Variants in OR2W3 observed in about 807,000 individuals in gnomAD.
The protein encoded by OR2W3 is olfactory receptor family 2 subfamily W member 3, also known as olfactory receptor 2W3.
For synonymous variants in OR2W3, 196 were observed against 168.2 expected (o/e 1.17, Z -1.28); for missense variants, 448 against 397.0 (o/e 1.13, Z -1.09).
Position 247,895,704 on chromosome 1 carries a change from G to C in OR2W3, c.118G>C (p.Val40Leu). 2 of 1,613,800 alleles carry C rather than the reference G, an allele frequency of 1.2e-6. No homozygotes were observed. The highest frequency in any genetic ancestry group is 1.7e-6 in the Non-Finnish European group (2 of 1,179,852). ...CCTGATCGCGTACCTCCTGACCCTC[G>C]TAGGCAACACCACCATCATCCTGGT... Reference protein sequence around the residue: ...VILIAYLLTLVGNTTIILVSR... With the variant: ...VILIAYLLTLLGNTTIILVSR... The change falls in exon 1 of 1, where the codon GTA (valine) becomes CTA (leucine). Residue 40 changes from valine (V) to leucine (L), a missense_variant. Physicochemically the swap from Val to Leu is conservative, Grantham distance 32 (BLOSUM62 1). Coordinates refer to ENST00000360358, the MANE Select transcript of OR2W3 (RefSeq NM_001001957.2).
chr1:247,896,052 T>C lies in OR2W3; in HGVS notation c.466T>C (p.Ser156Pro). 1 of 1,474,256 alleles carries C rather than the reference T, an allele frequency of 6.8e-7. No individual in the cohort carries two copies. The highest frequency in any genetic ancestry group is 9.4e-7 in the Non-Finnish European group (1 of 1,063,354). 91.3% of individuals were successfully genotyped at this position (1,474,256 alleles called of 1,614,324 possible). ...GACCTGGGGCTGTGGGGTGGCCAAC[T>C]CCTTGGCCATGTCTCCTGTGACCCT... ...SVTWGCGVANSLAMSPVTLRL... is the reference protein window; with the variant it reads ...SVTWGCGVANPLAMSPVTLRL... Residue 156 changes from serine to proline, a missense_variant, in exon 1 of 1, where the codon TCC (serine) becomes CCC (proline). Coordinates refer to ENST00000360358, the MANE Select transcript of OR2W3 (RefSeq NM_001001957.2).
Position 247,895,793 on chromosome 1 carries a change from G to A in OR2W3, c.207G>A (p.Leu69=), listed in dbSNP as rs1255724156. 1.2e-6 allele frequency: 2 copies of A among 1,613,858 alleles called. No individual in the cohort carries two copies. Among genetic ancestry groups the A allele is most frequent in the Non-Finnish European group, 8.5e-7 (1 of 1,179,944 alleles). ...TCTTCCTCGCCCACCTTTCCTTCCT[G>A]GACCTCAGTTTCACCACCAGCTCCA... The part of the protein sequence containing the change: ...MYFFLAHLSF[L]DLSFTTSSIP... The change falls in exon 1 of 1, where the codon CTG becomes CTA. Residue 69 remains leucine (L), a synonymous_variant. Coordinates refer to ENST00000360358, the MANE Select transcript of OR2W3 (RefSeq NM_001001957.2).
chr1:247,895,721 C>G lies in OR2W3; in HGVS notation c.135C>G (p.Ile45Met), dbSNP rs746971796. The part of the protein sequence containing the change: ...YLLTLVGNTT[I>M]ILVSRLDPHL... Reference sequence around the variant, plus strand: ...TGACCCTCGTAGGCAACACCACCATCATCCTGGTGTCCCGGCTGGACCCCC... The same window carrying G: ...TGACCCTCGTAGGCAACACCACCATGATCCTGGTGTCCCGGCTGGACCCCC... Residue 45 changes from isoleucine (I) to methionine (M), a missense_variant, in exon 1 of 1, where the codon ATC becomes ATG. Physicochemically the swap from Ile to Met is conservative, Grantham distance 10. Coordinates refer to ENST00000360358, the MANE Select transcript of OR2W3 (RefSeq NM_001001957.2). 3 of 1,613,840 alleles carry G rather than the reference C, an allele frequency of 1.9e-6. No homozygotes were observed. The highest frequency in any genetic ancestry group is 2.5e-6 in the Non-Finnish European group (3 of 1,179,750).
rs1350998945 is a variant in OR2W3, at chr1:247,896,241, A to G, written c.655A>G (p.Ser219Gly). 1 of 1,614,148 alleles carries G rather than the reference A, an allele frequency of 6.2e-7. No individual in the cohort carries two copies. The highest frequency in any genetic ancestry group is 2.2e-5 in the East Asian group (1 of 44,876). ...SPLVFILLSYSYIVRAVLQIR... is the reference protein window; with the variant it reads ...SPLVFILLSYGYIVRAVLQIR... ...CTTGGTGTTTATCCTGCTCTCTTAC[A>G]GCTACATTGTGAGGGCTGTGTTACA... The change falls in exon 1 of 1, where the codon AGC (serine) becomes GGC (glycine). Residue 219 changes from serine (S) to glycine (G), a missense_variant. Ser to Gly is a moderately conservative substitution (Grantham distance 56). Coordinates refer to ENST00000360358, the MANE Select transcript of OR2W3 (RefSeq NM_001001957.2).
In OR2W3 at chr1:247,895,598, C is replaced by A. The variant is rs752887789; in HGVS notation, c.12C>A (p.Thr4=). The A allele has an allele frequency of 2.5e-6, 4 of 1,606,272 alleles. No homozygotes were observed. In the East Asian group the frequency reaches 6.7e-5, roughly 27 times the overall value. Reference sequence around the variant, plus strand: ...CAGCAGCAGTAGAGATGGATGGAACCAATGGCAGCACCCAAACCCATTTCA... The same window carrying A: ...CAGCAGCAGTAGAGATGGATGGAACAAATGGCAGCACCCAAACCCATTTCA... MDG[T]NGSTQTHFIL... Residue 4 remains threonine (T), a synonymous_variant, in exon 1 of 1, where the codon ACC becomes ACA. Transcript: ENST00000360358.
rs532952972 is a variant in OR2W3, at chr1:247,895,898, C to T, written c.312C>T (p.Phe104=). 6 of 1,614,150 alleles carry T rather than the reference C, an allele frequency of 3.7e-6. No individual in the cohort carries two copies. The highest frequency in any genetic ancestry group is 2.2e-5 in the East Asian group (1 of 44,868). The change falls in exon 1 of 1, where the codon TTC becomes TTT. Residue 104 remains phenylalanine (F), a synonymous_variant. Transcript: ENST00000360358. ...YMGCAIQLFL[F]LGLGGVECLL... is the part of the protein sequence containing the mutation. ...GCTGTGCCATCCAGCTCTTCCTGTT[C>T]CTGGGTCTGGGTGGTGTGGAGTGCC...
Position 247,895,843 on chromosome 1 carries a change from A to AG in OR2W3, c.257_258insG (p.Asn86LysfsTer4). 1 of 1,613,724 alleles carries AG rather than the reference A, an allele frequency of 6.2e-7. No homozygotes were observed. Among genetic ancestry groups the AG allele is most frequent in the Non-Finnish European group, 8.5e-7 (1 of 1,179,866 alleles). On this transcript the variant is annotated frameshift_variant, in exon 1 of 1. Coordinates refer to ENST00000360358, the MANE Select transcript of OR2W3 (RefSeq NM_001001957.2). LOFTEE classifies it low-confidence loss of function (END_TRUNC). ...ATCCCCCAGCTGCTCTACAACCTTAATGGATGTGACAAGACCATCAGCTAC... is the reference window on the plus strand; with the variant it reads ...ATCCCCCAGCTGCTCTACAACCTTAAGTGGATGTGACAAGACCATCAGCTAC...
Position 247,895,931 on chromosome 1 carries a change from G to C in OR2W3, c.345G>C (p.Leu115=), listed in dbSNP as rs1012683870. 1 of 1,613,908 alleles carries C rather than the reference G, an allele frequency of 6.2e-7. No homozygotes were observed. Among genetic ancestry groups the C allele is most frequent in the African/African-American group, 1.3e-5 (1 of 74,910 alleles). Reference sequence around the variant, plus strand: ...TGGGTGGTGTGGAGTGCCTGCTTCTGGCTGTCATGGCCTATGACCGGTGTG... The same window carrying C: ...TGGGTGGTGTGGAGTGCCTGCTTCTCGCTGTCATGGCCTATGACCGGTGTG... The part of the protein sequence containing the change: ...LGLGGVECLL[L]AVMAYDRCVA... Residue 115 remains leucine, a synonymous_variant, in exon 1 of 1, where the codon CTG becomes CTC. Transcript: ENST00000360358.
chr1:247,895,886 G>C lies in OR2W3; in HGVS notation c.300G>C (p.Gln100His). ...TCAGCTACATGGGCTGTGCCATCCA[G>C]CTCTTCCTGTTCCTGGGTCTGGGTG... ...KTISYMGCAI[Q>H]LFLFLGLGGV... is the part of the protein sequence containing the mutation. Residue 100 changes from glutamine (Q) to histidine (H), a missense_variant, in exon 1 of 1, where the codon CAG becomes CAC. Physicochemically the swap from Gln to His is conservative, Grantham distance 24. Transcript: ENST00000360358. 6.2e-7 allele frequency: 1 copy of C among 1,614,140 alleles called. No homozygotes were observed.
rs1659594232 is a variant in OR2W3 at position 247,895,763 on chromosome 1, G to GTACT, written c.179_182dup (p.Phe61LeufsTer27). The GTACT allele has an allele frequency of 6.2e-7, 1 of 1,613,912 alleles. No homozygotes were observed. Among genetic ancestry groups the GTACT allele is most frequent in the Non-Finnish European group, 8.5e-7 (1 of 1,180,006 alleles). On this transcript the variant is annotated frameshift_variant, in exon 1 of 1. Coordinates refer to ENST00000360358, the MANE Select transcript of OR2W3 (RefSeq NM_001001957.2). LOFTEE classifies it low-confidence loss of function (END_TRUNC). ...TGGACCCCCACCTCCACACCCCCAT[G>GTACT]TACTTCTTCCTCGCCCACCTTTCCT... is the stretch of plus-strand genomic sequence containing the variant.
chr1:247,896,212 C>A lies in OR2W3; in HGVS notation c.626C>A (p.Ser209Tyr). 1.2e-6 allele frequency: 2 copies of A among 1,614,198 alleles called. No individual in the cohort carries two copies. Among genetic ancestry groups the A allele is most frequent in the Admixed American group, 1.7e-5 (1 of 60,020 alleles). Reference protein sequence around the residue: ...VFVLAVGVVLSPLVFILLSYS... With the variant: ...VFVLAVGVVLYPLVFILLSYS... ...GTCCTGGCGGTGGGTGTTGTGCTGT[C>A]CCCCTTGGTGTTTATCCTGCTCTCT... Residue 209 changes from serine to tyrosine, a missense_variant, in exon 1 of 1, where the codon TCC becomes TAC. By Grantham distance (144) the Ser-to-Tyr change is moderately radical (BLOSUM62 -2). Coordinates refer to ENST00000360358, the MANE Select transcript of OR2W3 (RefSeq NM_001001957.2).
At position 247,896,462 on chromosome 1, in the gene OR2W3, C is replaced by T. The variant is rs1184371727; in HGVS notation, c.876C>T (p.Leu292=). 1.9e-6 allele frequency: 3 copies of T among 1,611,834 alleles called. No homozygotes were observed. Among genetic ancestry groups the T allele is most frequent in the South Asian group, 1.1e-5 (1 of 90,896 alleles). ...TCCTCAATCCTCTCATCTACACCCT[C>T]AGAAACAGAGAGGTGAAGGGGGCAC... is the stretch of plus-strand genomic sequence containing the variant. The part of the protein sequence containing the change: ...TPLLNPLIYT[L]RNREVKGALG... Residue 292 remains leucine (L), a synonymous_variant, in exon 1 of 1, where the codon CTC becomes CTT. Transcript: ENST00000360358.
rs753788610 is a variant in OR2W3, at chr1:247,896,041, G to C, written c.455G>C (p.Gly152Ala). The C allele has an allele frequency of 1.9e-5, 30 of 1,613,648 alleles. No homozygotes were observed. The East Asian group carries it at 5.1e-4, about 28-fold the overall frequency. Residue 152 changes from glycine to alanine, a missense_variant, in exon 1 of 1, where the codon GGG becomes GCG. Transcript: ENST00000360358. ...RGLVSVTWGCGVANSLAMSPV... is the reference protein window; with the variant it reads ...RGLVSVTWGCAVANSLAMSPV... ...TTGGTGTCAGTGACCTGGGGCTGTG[G>C]GGTGGCCAACTCCTTGGCCATGTCT...
In OR2W3 at chr1:247,895,832, C is replaced by T; in HGVS notation, c.246C>T (p.Leu82=). Residue 82 remains leucine, a synonymous_variant, in exon 1 of 1, where the codon CTC becomes CTT. Transcript: ENST00000360358. ...CCACCAGCTCCATCCCCCAGCTGCT[C>T]TACAACCTTAATGGATGTGACAAGA... is the stretch of plus-strand genomic sequence containing the variant. ...SFTTSSIPQL[L]YNLNGCDKTI... 6.2e-7 allele frequency: 1 copy of T among 1,614,064 alleles called. No individual in the cohort carries two copies. The highest frequency in any genetic ancestry group is 8.5e-7 in the Non-Finnish European group (1 of 1,179,912).
Position 247,896,408 on chromosome 1 carries a change from C to T in OR2W3, c.822C>T (p.Leu274=), listed in dbSNP as rs772180115. 8.1e-6 allele frequency: 13 copies of T among 1,613,794 alleles called. No homozygotes were observed. The South Asian group carries it at 1.1e-4, about 14-fold the overall frequency. The stretch of plus-strand genomic sequence containing the variant: ...CTTCCCAGGACCAGGGCATGTTCCT[C>T]ATGCTCTTCTACAACATTGTCACCC... The part of the protein sequence containing the change: ...ASSSQDQGMF[L]MLFYNIVTPL... Residue 274 remains leucine (L), a synonymous_variant, in exon 1 of 1, where the codon CTC becomes CTT. Transcript: ENST00000360358.
rs1393042799 is a variant in OR2W3, at chr1:247,895,701, C to A, written c.115C>A (p.Leu39Ile). ...CATCCTGATCGCGTACCTCCTGACC[C>A]TCGTAGGCAACACCACCATCATCCT... Reference protein sequence around the residue: ...VVILIAYLLTLVGNTTIILVS... With the variant: ...VVILIAYLLTIVGNTTIILVS... The change falls in exon 1 of 1, where the codon CTC (leucine) becomes ATC (isoleucine). Residue 39 changes from leucine to isoleucine, a missense_variant. Physicochemically the swap from Leu to Ile is conservative, Grantham distance 5 (BLOSUM62 2). Coordinates refer to ENST00000360358, the MANE Select transcript of OR2W3 (RefSeq NM_001001957.2). 4 of 1,613,804 alleles carry A rather than the reference C, an allele frequency of 2.5e-6. No homozygotes were observed. The highest frequency in any genetic ancestry group is 1.7e-5 in the Admixed American group (1 of 59,998).
In OR2W3 at chr1:247,895,778, C is replaced by T. The variant is rs754712314; in HGVS notation, c.192C>T (p.Ala64=). 4 of 1,614,084 alleles carry T rather than the reference C, an allele frequency of 2.5e-6. No individual in the cohort carries two copies. Among genetic ancestry groups the T allele is most frequent in the East Asian group, 2.2e-5 (1 of 44,866 alleles). ...HLHTPMYFFL[A]HLSFLDLSFT... ...ACACCCCCATGTACTTCTTCCTCGCCCACCTTTCCTTCCTGGACCTCAGTT... is the reference window on the plus strand; with the variant it reads ...ACACCCCCATGTACTTCTTCCTCGCTCACCTTTCCTTCCTGGACCTCAGTT... Residue 64 remains alanine (A), a synonymous_variant, in exon 1 of 1, where the codon GCC becomes GCT. Coordinates refer to ENST00000360358, the MANE Select transcript of OR2W3 (RefSeq NM_001001957.2).
In OR2W3 at chr1:247,896,058, G is replaced by A; in HGVS notation, c.472G>A (p.Ala158Thr). 2 of 1,614,124 alleles carry A rather than the reference G, an allele frequency of 1.2e-6. No individual in the cohort carries two copies. The highest frequency in any genetic ancestry group is 1.1e-5 in the South Asian group (1 of 91,082). Residue 158 changes from alanine (A) to threonine (T), a missense_variant, in exon 1 of 1, where the codon GCC (alanine) becomes ACC (threonine). Ala to Thr is a moderately conservative substitution (Grantham distance 58, BLOSUM62 0). Transcript: ENST00000360358. ...TWGCGVANSLAMSPVTLRLPR... is the reference protein window; with the variant it reads ...TWGCGVANSLTMSPVTLRLPR... Reference sequence around the variant, plus strand: ...GGGCTGTGGGGTGGCCAACTCCTTGGCCATGTCTCCTGTGACCCTGCGCTT... The same window carrying A: ...GGGCTGTGGGGTGGCCAACTCCTTGACCATGTCTCCTGTGACCCTGCGCTT...
Position 247,896,180 on chromosome 1 carries a change from C to A in OR2W3, c.594C>A (p.Thr198=). 1 of 1,614,126 alleles carries A rather than the reference C, an allele frequency of 6.2e-7. No homozygotes were observed. Among genetic ancestry groups the A allele is most frequent in the Non-Finnish European group, 8.5e-7 (1 of 1,179,968 alleles). Residue 198 remains threonine, a synonymous_variant, in exon 1 of 1, where the codon ACC becomes ACA. Coordinates refer to ENST00000360358, the MANE Select transcript of OR2W3 (RefSeq NM_001001957.2). ...ACVSTVAIEG[T]VFVLAVGVVL... ...TCAGCACTGTGGCCATCGAAGGCACCGTCTTTGTCCTGGCGGTGGGTGTTG... is the reference window on the plus strand; with the variant it reads ...TCAGCACTGTGGCCATCGAAGGCACAGTCTTTGTCCTGGCGGTGGGTGTTG...
Sources: gnomAD v4.1 joint callset for allele counts on GRCh38, gnomAD v4.1.1 for gene constraint, MANE v1.5 for transcripts, NCBI Gene and HGNC (gene_info 2026-07-23, HGNC 2026-07-21) for gene names.